ALK: variants seen among roughly 807,000 people sequenced by gnomAD.
The protein encoded by ALK is ALK tyrosine kinase receptor.
In ALK, 74 loss-of-function variants were observed where a neutral mutation model predicts 163.1. The ratio of observed to expected loss-of-function variants is 0.45; its 90% CI spans 0.38 to 0.55. ALK has a LOEUF of 0.55. Among genes scored for constraint, ALK ranks in the 20% least tolerant of loss-of-function variants. The probability of loss-of-function intolerance (pLI) is 0.00; values close to 1 mark genes in which losing one functional copy is unlikely to be tolerated. For synonymous variants in ALK, 960 were observed against 843.2 expected, an observed-to-expected ratio of 1.14 and a Z score of -2.40; for missense variants, 2,063 against 2,105.3, an observed-to-expected ratio of 0.98 and a Z score of 0.39.
intron 1 of ALK, among the ~76,000 whole-genome samples, chr2:29,897,488 C>T (rs1667301110): frequency 6.6e-6 from 1 of 151,958 alleles, no homozygotes. Context: ...GTTCTGTTAC[C>T]AGGGACATCA....
intron 3 of ALK, among the ~76,000 whole-genome samples, chr2:29,568,675 A>G (rs1488665420): frequency 1.3e-5 from 2 of 152,234 alleles, no homozygotes; most frequent in Non-Finnish European, 2.9e-5. Flanking sequence ...TGCAGGAAGG[A>G]AGAGAAAGCA....
At chr2:29,725,154 C>CAAAAAAAAAAA (rs757959526) in intron 1 of ALK, among the ~76,000 whole-genome samples, 4 of 67,380 alleles carry the variant, frequency 5.9e-5, no homozygotes, top group East Asian at 4.5e-4. Context: ...TATCCTATAC[C>CAAAAAAAAAAA]AAAAAAAAAA....
At chr2:29,859,480 A>G (rs1666226082) in intron 1 of ALK, among the ~76,000 whole-genome samples, 4 of 152,244 alleles carry the variant, frequency 2.6e-5, no homozygotes, top group Admixed American at 2.6e-4. Context: ...ACCCATATGT[A>G]TTAAATATTC....
chr2:29,891,306 G>T (rs1216703842), intron 1 of ALK, among the ~76,000 whole-genome samples: 8 of 152,142 alleles, frequency 5.3e-5, no homozygotes, highest in Admixed American at 5.2e-4. Context: ...ATGTCTTGCA[G>T]CAGATTTTTA....
chr2:29,390,670 G>A (rs1017494204), intron 4 of ALK, among the ~76,000 whole-genome samples: 2 of 151,692 alleles, frequency 1.3e-5, no homozygotes, highest in Non-Finnish European at 2.9e-5. Flanking sequence ...AATATACTTT[G>A]TAGTAATTCT....
At chr2:29,207,085 G>T (rs2148151679) in intron 26 of ALK, 86 bp downstream of exon 26, 2 of 1,021,046 alleles carry the variant, frequency 2.0e-6, no homozygotes, top group Non-Finnish European at 3.1e-6. Flanking sequence ...TAACACACGG[G>T]CTCCCGGCTT....
chr2:29,203,394 T>C (rs866748228), intron 26 of ALK, among the ~76,000 whole-genome samples: 2 of 146,710 alleles, frequency 1.4e-5, no homozygotes, highest in Non-Finnish European at 3.0e-5. Context: ...GGATTCCTTA[T>C]CTTTTATCTC....
chr2:29,374,392 C>T (rs1376332318), intron 5 of ALK, among the ~76,000 whole-genome samples: 1 of 151,720 alleles, frequency 6.6e-6, no homozygotes. Flanking sequence ...AATCTCTCTC[C>T]TACATTGGAA....
intron 3 of ALK, among the ~76,000 whole-genome samples, chr2:29,665,927 T>C (rs1677499608): frequency 6.6e-6 from 1 of 152,094 alleles, no homozygotes; most frequent in African/African-American, 2.4e-5. Flanking sequence ...AATAATTAAA[T>C]AGAACTAACC....
chr2:29,494,540 A>T (rs1671978753), intron 4 of ALK, among the ~76,000 whole-genome samples: 1 of 152,126 alleles, frequency 6.6e-6, no homozygotes, highest in Non-Finnish European at 1.5e-5. Flanking sequence ...GGGGAGTGAC[A>T]GCTGTAGATG....
At chr2:29,574,964 C>T (rs1373330412) in intron 3 of ALK, among the ~76,000 whole-genome samples, 2 of 152,140 alleles carry the variant, frequency 1.3e-5, no homozygotes, top group African/African-American at 4.8e-5. Flanking sequence ...ACCTGCACGG[C>T]AACTTCAGAG....
intron 4 of ALK, among the ~76,000 whole-genome samples, chr2:29,439,401 T>C (rs1004238062): frequency 2.0e-5 from 3 of 152,134 alleles, no homozygotes; most frequent in Admixed American, 2.0e-4. Context: ...AAAATAAATA[T>C]AAATGTATAA....
chr2:29,396,017 C>T (rs1415060691), intron 4 of ALK, among the ~76,000 whole-genome samples: 1 of 121,078 alleles, frequency 8.3e-6, no homozygotes, highest in Non-Finnish European at 1.9e-5. Flanking sequence ...TCTCGTTAAC[C>T]TGTTTTTTGT....
intron 1 of ALK, among the ~76,000 whole-genome samples, chr2:29,831,593 T>C (rs182222430): frequency 6.6e-6 from 1 of 152,328 alleles, no homozygotes; most frequent in Admixed American, 6.5e-5. Flanking sequence ...CTTCTTATTC[T>C]ATCATCACTA....
intron 4 of ALK, among the ~76,000 whole-genome samples, chr2:29,475,827 A>C (rs1218132837): frequency 6.6e-6 from 1 of 152,018 alleles, no homozygotes; most frequent in African/African-American, 2.4e-5. Context: ...GAAGACTCTG[A>C]GTGCCTGAAG....
intron 11 of ALK, among the ~76,000 whole-genome samples, chr2:29,270,959 T>A (rs1345397251): frequency 2.0e-5 from 3 of 152,172 alleles, no homozygotes; most frequent in African/African-American, 4.8e-5. Context: ...GTCCCCAGCA[T>A]GGGATTTTCT....
intron 1 of ALK, among the ~76,000 whole-genome samples, chr2:29,841,200 A>T (rs1243379519): frequency 6.6e-6 from 1 of 152,016 alleles, no homozygotes; most frequent in South Asian, 2.1e-4. Context: ...CCCATCATTT[A>T]AAAAAAAGAC....
intron 1 of ALK, among the ~76,000 whole-genome samples, chr2:29,872,827 G>T (rs764214138): frequency 2.0e-5 from 3 of 152,142 alleles, no homozygotes; most frequent in Non-Finnish European, 2.9e-5. Flanking sequence ...CTCTGCCATA[G>T]ATCTGCCCAA....
At chr2:29,819,644 TA>T (rs1664992320) in intron 1 of ALK, among the ~76,000 whole-genome samples, 1 of 152,194 alleles carries the variant, frequency 6.6e-6, no homozygotes, top group Non-Finnish European at 1.5e-5. Flanking sequence ...TGAATGAAAA[TA>T]AATTTATGTT....
Sources: gnomAD v4.1 joint callset for allele counts (sites outside exome capture counted in the v4.1 genomes callset) on GRCh38, gnomAD v4.1.1 for gene constraint, MANE v1.5 for transcripts, NCBI Gene and HGNC (gene_info 2026-07-23, HGNC 2026-07-21) for gene names.